SLC35B1: variants seen among roughly 807,000 people sequenced by gnomAD.
The protein encoded by SLC35B1 is solute carrier family 35 member B1.
In SLC35B1, 27 loss-of-function variants were observed where a neutral mutation model predicts 36.6. The ratio of observed to expected loss-of-function variants is 0.74; its 90% CI spans 0.54 to 1.02. SLC35B1 has a LOEUF of 1.02. Among genes scored for constraint, SLC35B1 ranks in the 50% least tolerant of loss-of-function variants. The pLI is 0.00. For synonymous variants in SLC35B1, 162 were observed against 152.5 expected, an observed-to-expected ratio of 1.06 and a Z score of -0.46; for missense variants, 321 against 383.2, an observed-to-expected ratio of 0.84 and a Z score of 1.35.
In SLC35B1 at chr17:49,702,860, AG is replaced by A; in HGVS notation, c.913del (p.Leu305TrpfsTer51). 1 of 1,613,530 alleles carries A rather than the reference AG, an allele frequency of 6.2e-7. No homozygotes were observed. Among genetic ancestry groups the A allele is most frequent in the African/African-American group, 1.3e-5 (1 of 75,056 alleles). ...MQWVGTVLVF[L>X]GLGLDAKFGK... ...TGTGTCTCTGTGTGGCCACTTACCCAGGAACACAAGCACAGTGCCCACCCAC... is the reference window on the plus strand; with the variant it reads ...TGTGTCTCTGTGTGGCCACTTACCCAGAACACAAGCACAGTGCCCACCCAC... On this transcript the variant is annotated frameshift_variant, in exon 8 of 9. Coordinates refer to ENST00000240333, the MANE Select transcript of SLC35B1 (RefSeq NM_005827.4). LOFTEE classifies it high-confidence loss of function.
At chr17:49,708,104 A>G (rs1399983941), upstream of SLC35B1, 2 of 722,932 alleles carry the variant, frequency 2.8e-6, no homozygotes, top group South Asian at 3.0e-5. Flanking sequence ...GGCCAGGGGA[A>G]CCGGCAGCCT....
Position 49,702,798 on chromosome 17 carries a change from T to A in SLC35B1, c.916+60A>T, listed in dbSNP as rs922166952. On this transcript the variant is annotated intron_variant, in intron 8 of 8. Transcript: ENST00000240333. ...AATATTTAAACAAATTTCATAAATA[T>A]ACAAGTAAATTTTAGGAGAAAAAAT... 7.9e-6 allele frequency: 12 copies of A among 1,512,402 alleles called. No individual in the cohort carries two copies. In the African/African-American group the frequency reaches 1.5e-4, roughly 19 times the overall value. 93.7% of individuals were successfully genotyped at this position (1,512,402 alleles called of 1,614,324 possible).
intron 4 of SLC35B1, 103 bp from the exon 5 acceptor site, chr17:49,705,384 ATGAC>A: frequency 1.7e-6 from 2 of 1,196,186 alleles, no homozygotes; most frequent in Non-Finnish European, 2.3e-6. Flanking sequence ...GGAGAAAAGA[ATGAC>A]TGAGAAGGAA....
Position 49,703,187 on chromosome 17 carries a change from C to T in SLC35B1, c.762+1G>A. On this transcript the variant is annotated splice_donor_variant, in intron 7 of 8. Coordinates refer to ENST00000240333, the MANE Select transcript of SLC35B1 (RefSeq NM_005827.4). LOFTEE classifies it high-confidence loss of function. ...CAAGCCATCCCCTTTCAAGCACTCA[C>T]CTGACCCAGGGCACTGGTCAGCCCA... The T allele has an allele frequency of 6.2e-7, 1 of 1,611,184 alleles. No homozygotes were observed. Among genetic ancestry groups the T allele is most frequent in the Non-Finnish European group, 8.5e-7 (1 of 1,177,360 alleles).
Position 49,703,217 on chromosome 17 carries a change from G to A in SLC35B1, c.733C>T (p.Leu245Phe). 6.2e-7 allele frequency: 1 copy of A among 1,613,946 alleles called. No homozygotes were observed. The change falls in exon 7 of 9, where the codon CTC (leucine) becomes TTC (phenylalanine). Residue 245 changes from leucine (L) to phenylalanine (F), a missense_variant. Transcript: ENST00000240333. ...RYPAIIYNIL[L>F]FGLTSALGQS... The stretch of plus-strand genomic sequence containing the variant: ...CCCAGGGCACTGGTCAGCCCAAAGA[G>A]CAGGATGTTATAGATGATGGCAGGG...
rs751559826 is a variant in SLC35B1 at position 49,705,179 on chromosome 17, G to C, written c.473C>G (p.Pro158Arg). The change falls in exon 5 of 9, where the codon CCC becomes CGC. Residue 158 changes from proline (P) to arginine (R), a missense_variant. By Grantham distance (103) the Pro-to-Arg change is moderately radical. Coordinates refer to ENST00000240333, the MANE Select transcript of SLC35B1 (RefSeq NM_005827.4). Reference sequence around the variant, plus strand: ...TTCTTCTATCCCAACAACTTTCTTGGGTTTGTACATGAAAAGGGCCACTCC... The same window carrying C: ...TTCTTCTATCCCAACAACTTTCTTGCGTTTGTACATGAAAAGGGCCACTCC... ...VAGVALFMYKPKKVVGIEEHT... is the reference protein window; with the variant it reads ...VAGVALFMYKRKKVVGIEEHT... 1 of 1,613,942 alleles carries C rather than the reference G, an allele frequency of 6.2e-7. No homozygotes were observed. Among genetic ancestry groups the C allele is most frequent in the African/African-American group, 1.3e-5 (1 of 74,868 alleles).
At chr17:49,705,320 T>G (rs764299758) in intron 4 of SLC35B1, 39 bp from the exon 5 acceptor site, 1 of 1,604,704 alleles carries the variant, frequency 6.2e-7, no homozygotes, top group South Asian at 1.1e-5. Context: ...CAGGCATCCA[T>G]AAGGTATTGA....
Position 49,706,346 on chromosome 17 carries a change from C to T in SLC35B1, c.209-12G>A. ...AAAAAACTGGATCACTGGGAGAAGACAAAAAAAAAAAAAAAAAAAGAAAAG... is the reference window on the plus strand; with the variant it reads ...AAAAAACTGGATCACTGGGAGAAGATAAAAAAAAAAAAAAAAAAAGAAAAG... On this transcript the variant is annotated splice_polypyrimidine_tract_variant and intron_variant, in intron 2 of 8. Coordinates refer to ENST00000240333, the MANE Select transcript of SLC35B1 (RefSeq NM_005827.4). 1.4e-5 allele frequency: 10 copies of T among 732,204 alleles called. No individual in the cohort carries two copies. Among genetic ancestry groups the T allele is most frequent in the African/African-American group, 3.3e-5 (1 of 30,588 alleles). 45.4% of individuals were successfully genotyped at this position (732,204 alleles called of 1,614,324 possible). A position where few individuals can be genotyped will look rare whatever the true frequency, so the allele number is the denominator to read the frequency against.
chr17:49,705,985 C>A, intron 3 of SLC35B1, 89 bp from the exon 4 acceptor site: 1 of 1,404,504 alleles, frequency 7.1e-7, no homozygotes, highest in East Asian at 2.3e-5. Context: ...TGAGTAAGCA[C>A]AGGGCCTGCA....
chr17:49,707,557 T>C, intron 1 of SLC35B1, 173 bp downstream of exon 1: 2 of 1,479,178 alleles, frequency 1.4e-6, no homozygotes, highest in Non-Finnish European at 1.8e-6. Flanking sequence ...AAAATAATCC[T>C]GGAGTTCTGG....
chr17:49,701,415 T>C lies in SLC35B1; in HGVS notation c.*43A>G. 1 of 1,480,198 alleles carries C rather than the reference T, an allele frequency of 6.8e-7. No individual in the cohort carries two copies. 91.7% of individuals were successfully genotyped at this position (1,480,198 alleles called of 1,614,324 possible). On this transcript the variant is annotated 3_prime_UTR_variant, in exon 9 of 9. Transcript: ENST00000240333. ...TCCCAAGAGATGTCACTGTTTGAGA[T>C]AATAACTTAAATATTCTTGATGTGG... is the stretch of plus-strand genomic sequence containing the variant.
chr17:49,702,729 A>G lies in SLC35B1; in HGVS notation c.916+129T>C, dbSNP rs966748167. On this transcript the variant is annotated intron_variant, in intron 8 of 8. Transcript: ENST00000240333. ...TGCACTCACTCCAGCCTGGGCAACA[A>G]GAGCGAAACTCCGTCTCAAAAAAAA... 3.0e-6 allele frequency: 3 copies of G among 1,012,634 alleles called. No homozygotes were observed. In the African/African-American group the frequency reaches 4.9e-5, roughly 17 times the overall value. The allele number at this position is 1,012,634 out of a possible 1,614,324, so 62.7% of individuals were successfully genotyped here. A position where few individuals can be genotyped will look rare whatever the true frequency, so the allele number is the denominator to read the frequency against.
Position 49,705,153 on chromosome 17 carries a change from GTTC to G in SLC35B1, c.496_498del (p.Glu166del). 1 of 1,614,138 alleles carries G rather than the reference GTTC, an allele frequency of 6.2e-7. No homozygotes were observed. Among genetic ancestry groups the G allele is most frequent in the Non-Finnish European group, 8.5e-7 (1 of 1,180,018 alleles). On this transcript the variant is annotated inframe_deletion, in exon 5 of 9. Coordinates refer to ENST00000240333, the MANE Select transcript of SLC35B1 (RefSeq NM_005827.4). ...AGTAGCTCTCCATAGCCGACTGTGT[GTTC>G]TTCTATCCCAACAACTTTCTTGGGT...
intron 1 of SLC35B1, chr17:49,707,409 G>C (rs1281579014): frequency 6.9e-7 from 1 of 1,439,066 alleles, no homozygotes; most frequent in Non-Finnish European, 9.2e-7. Flanking sequence ...TTGTTTGCAA[G>C]CATCTGGGAG....
rs1244981823 is a variant in SLC35B1 at position 49,705,121 on chromosome 17, T to C, written c.528+3A>G. On this transcript the variant is annotated splice_donor_region_variant and intron_variant, in intron 5 of 8. Transcript: ENST00000240333. ...GGGTGCCTTCCCCAACAGGATCTCA[T>C]ACCAAGAGTAGCTCTCCATAGCCGA... The C allele has an allele frequency of 2.5e-6, 4 of 1,614,084 alleles. No individual in the cohort carries two copies. In the South Asian group the frequency reaches 4.4e-5, roughly 18 times the overall value.
At position 49,700,958 on chromosome 17, in the gene SLC35B1, A is replaced by C. The variant is rs2073345229; in HGVS notation, c.*500T>G. 1 of 153,640 alleles carries C rather than the reference A, an allele frequency of 6.5e-6. No individual in the cohort carries two copies. The allele number at this position is 153,640 out of a possible 1,614,324, so 9.5% of individuals were successfully genotyped here. Reference sequence around the variant, plus strand: ...AGACAGAACACAACTTTGTTTTTTTAATGAAATATTTGCCCACAGGAGCTT... The same window carrying C: ...AGACAGAACACAACTTTGTTTTTTTCATGAAATATTTGCCCACAGGAGCTT... On this transcript the variant is annotated 3_prime_UTR_variant, in exon 9 of 9. Transcript: ENST00000240333.
chr17:49,704,568 C>T (rs1352189103), intron 5 of SLC35B1, among the ~76,000 whole-genome samples: 4 of 152,160 alleles, frequency 2.6e-5, no homozygotes, highest in Non-Finnish European at 2.9e-5. Context: ...CTCCAGAGAC[C>T]GGATCCTGTG....
chr17:49,703,379 C>T, intron 6 of SLC35B1, 85 bp from the exon 7 acceptor site: 4 of 835,618 alleles, frequency 4.8e-6, no homozygotes, highest in South Asian at 1.4e-5. Context: ...CACACACAGA[C>T]ACTCCTGCAC....
At chr17:49,703,676 T>C (rs2073380459) in intron 6 of SLC35B1, 1 of 329,798 alleles carries the variant, frequency 3.0e-6, no homozygotes, top group East Asian at 7.7e-5. Context: ...CCCAGTGTGC[T>C]GTATAAAAAA....
Sources: allele counts gnomAD v4.1 joint callset (sites outside exome capture counted in the v4.1 genomes callset), GRCh38; gene constraint gnomAD v4.1.1; transcripts MANE v1.5; gene names NCBI Gene and HGNC (gene_info 2026-07-23, HGNC 2026-07-21).